SLC44A5: variants seen among roughly 807,000 people sequenced by gnomAD.
SLC44A5 encodes choline transporter-like protein 5.
SLC44A5 carries 57 observed loss-of-function variants against 101.8 expected under a neutral mutation model. That is an observed-to-expected ratio of 0.56 (90% CI 0.45 to 0.70). The LOEUF (loss-of-function observed/expected upper bound fraction) is 0.70, where lower values mean the gene tolerates loss of function less well. Ranked by LOEUF, SLC44A5 falls within the 30% of genes least tolerant of loss-of-function variation. The probability of loss-of-function intolerance (pLI) is 0.00; values close to 1 mark genes in which losing one functional copy is unlikely to be tolerated. For synonymous variants in SLC44A5, 281 were observed against 290.9 expected (o/e 0.97, Z 0.35); for missense variants, 737 against 853.1 (o/e 0.86, Z 1.70).
chr1:75,533,124 T>A (rs1029350686), intron 2 of SLC44A5, among the ~76,000 whole-genome samples: 2 of 152,192 alleles, frequency 1.3e-5, no homozygotes, highest in African/African-American at 4.8e-5. Context: ...GTTCTGCCTT[T>A]TCCTTTAAAG....
chr1:75,324,330 C>T (rs895684382), intron 4 of SLC44A5, among the ~76,000 whole-genome samples: 1 of 152,056 alleles, frequency 6.6e-6, no homozygotes, highest in Non-Finnish European at 1.5e-5. Flanking sequence ...GCCAGATCCA[C>T]CATAACAGGA....
the SLC44A5 span, among the ~76,000 whole-genome samples, chr1:75,709,403 TA>T: frequency 1.3e-5 from 2 of 152,238 alleles, no homozygotes; most frequent in African/African-American, 4.8e-5. Context: ...GAAAAACTGT[TA>T]AATCATTATT....
At chr1:75,581,494 T>C (rs1192415173) in intron 1 of SLC44A5, among the ~76,000 whole-genome samples, 17 of 152,232 alleles carry the variant, frequency 1.1e-4, no homozygotes, top group Admixed American at 1.1e-3. Flanking sequence ...AAAGCTGCAT[T>C]GTCAGCAATG....
chr1:75,630,275 GGGTCC>G, the SLC44A5 span, among the ~76,000 whole-genome samples: 1 of 152,060 alleles, frequency 6.6e-6, no homozygotes, highest in African/African-American at 2.4e-5. Context: ...TGGATTTCTG[GGGTCC>G]ACCTCTCAGT....
intron 4 of SLC44A5, among the ~76,000 whole-genome samples, chr1:75,328,146 A>T (rs979455861): frequency 3.9e-5 from 6 of 152,148 alleles, no homozygotes; most frequent in Non-Finnish European, 8.8e-5. Context: ...TGTCCATCTG[A>T]GCACAAACTG....
At chr1:75,577,303 T>A (rs1248748294) in intron 1 of SLC44A5, among the ~76,000 whole-genome samples, 1 of 152,218 alleles carries the variant, frequency 6.6e-6, no homozygotes, top group Non-Finnish European at 1.5e-5. Context: ...TTCATTAACT[T>A]TGCATATTTC....
At chr1:75,681,747 G>T in the SLC44A5 span, among the ~76,000 whole-genome samples, 1 of 150,004 alleles carries the variant, frequency 6.7e-6, no homozygotes, top group South Asian at 2.1e-4. Flanking sequence ...AGTGTTGGAA[G>T]TTCTGGCCAG....
intron 5 of SLC44A5, among the ~76,000 whole-genome samples, chr1:75,294,834 T>C (rs558673481): frequency 6.6e-6 from 1 of 152,008 alleles, no homozygotes; most frequent in Non-Finnish European, 1.5e-5. Context: ...ATACTCCAAC[T>C]CATAGAAGCA....
intron 12 of SLC44A5, among the ~76,000 whole-genome samples, chr1:75,233,151 T>C (rs1647745942): frequency 1.3e-5 from 2 of 152,154 alleles, no homozygotes; most frequent in Admixed American, 6.6e-5. Flanking sequence ...ACATTATACC[T>C]GATATGTATT....
chr1:75,291,406 T>C (rs192666941), intron 5 of SLC44A5, among the ~76,000 whole-genome samples: 7 of 152,320 alleles, frequency 4.6e-5, no homozygotes, highest in African/African-American at 1.7e-4. Flanking sequence ...TAATGGTCCT[T>C]GCTCTCCCAA....
At position 75,591,652 on chromosome 1, in the gene SLC44A5, A is replaced by G. The variant is rs552710147; in HGVS notation, c.-70+19388T>C. On this transcript the variant is annotated intron_variant, in intron 1 of 23. Coordinates refer to ENST00000370859, the MANE Select transcript of SLC44A5 (RefSeq NM_001130058.2). Reference sequence around the variant, plus strand: ...GCAAAATACTAGCAAACCAAACTCAACAATACACTAGAAAGATCGTTTATA... The same window carrying G: ...GCAAAATACTAGCAAACCAAACTCAGCAATACACTAGAAAGATCGTTTATA... Among the ~76,000 whole-genome samples the G allele has an allele frequency of 3.3e-5, 5 of 152,332 alleles. No homozygotes were observed. In the South Asian group the frequency reaches 1.0e-3, roughly 32 times the overall value.
Position 75,238,557 on chromosome 1 carries a change from T to C in SLC44A5, c.612A>G (p.Gly204=). 1 of 1,601,666 alleles carries C rather than the reference T, an allele frequency of 6.2e-7. No homozygotes were observed. Residue 204 remains glycine, a synonymous_variant, in exon 10 of 24, where the codon GGA becomes GGG. Coordinates refer to ENST00000370859, the MANE Select transcript of SLC44A5 (RefSeq NM_001130058.2). ...CTACAACACTTCTTGTCCCTCCATT[T>C]CCATCTTGAAACATCATCTTACTTC... is the stretch of plus-strand genomic sequence containing the variant. ...TIGSKMMFQD[G]NGGTRSVVEL...
the SLC44A5 span, among the ~76,000 whole-genome samples, chr1:75,693,560 C>A: frequency 0.91 from 137,978 of 152,214 alleles, 62,739 homozygotes; most frequent in Middle Eastern, 0.94. Context: ...ATTAGATAAT[C>A]TCTAGATTCA....
chr1:75,570,067 A>G (rs1672994495), intron 1 of SLC44A5, among the ~76,000 whole-genome samples: 4 of 152,186 alleles, frequency 2.6e-5, no homozygotes, highest in Admixed American at 2.6e-4. Flanking sequence ...TTGTTCACCA[A>G]TTCCTACTAG....
chr1:75,708,370 C>T, the SLC44A5 span, among the ~76,000 whole-genome samples: 9 of 135,740 alleles, frequency 6.6e-5, no homozygotes, highest in African/African-American at 1.7e-4. Flanking sequence ...GCCAAGATGG[C>T]GCCACTGCAC....
At chr1:75,421,385 G>A (rs2101560124) in intron 2 of SLC44A5, among the ~76,000 whole-genome samples, 1 of 152,188 alleles carries the variant, frequency 6.6e-6, no homozygotes, top group African/African-American at 2.4e-5. Flanking sequence ...TCTATACAGA[G>A]AAAGATACTG....
intron 4 of SLC44A5, among the ~76,000 whole-genome samples, chr1:75,328,571 G>A (rs1166722585): frequency 6.6e-6 from 1 of 152,172 alleles, no homozygotes; most frequent in African/African-American, 2.4e-5. Context: ...TTAGGCAGCT[G>A]TGTTCTATGG....
rs1482052266 is a variant in SLC44A5, at chr1:75,238,543, C to G, written c.626G>C (p.Arg209Thr). 2.5e-6 allele frequency: 4 copies of G among 1,605,168 alleles called. No individual in the cohort carries two copies. The highest frequency in any genetic ancestry group is 3.4e-6 in the Non-Finnish European group (4 of 1,176,126). ...AGCAATCCCGAGTTCTACAACACTT[C>G]TTGTCCCTCCATTTCCATCTTGAAA... ...MMFQDGNGGT[R>T]SVVELGIAAN... is the part of the protein sequence containing the mutation. Residue 209 changes from arginine (R) to threonine (T), a missense_variant, in exon 10 of 24, where the codon AGA becomes ACA. Arg to Thr is a moderately conservative substitution (Grantham distance 71). This residue lies in a region of SLC44A5 where 665 missense variants were observed against 764.4 expected (regional missense o/e 0.87). Transcript: ENST00000370859.
At chr1:75,695,295 C>G in the SLC44A5 span, among the ~76,000 whole-genome samples, 2 of 152,134 alleles carry the variant, frequency 1.3e-5, no homozygotes. Context: ...AAATCAGATG[C>G]TTCTAGGTAA....
Sources: gnomAD v4.1 joint callset for allele counts (sites outside exome capture counted in the v4.1 genomes callset) on GRCh38, gnomAD v4.1.1 for gene constraint, gnomAD v4.1.1 regional missense constraint, MANE v1.5 for transcripts, NCBI Gene and HGNC (gene_info 2026-07-23, HGNC 2026-07-21) for gene names.